Variants in GRID1 observed in about 807,000 individuals in gnomAD.
GRID1 encodes glutamate receptor ionotropic, delta-1.
In GRID1, 28 loss-of-function variants were observed where a neutral mutation model predicts 98.0. The observed-to-expected ratio is 0.29, with a 90% CI of 0.21 to 0.39. The LOEUF (loss-of-function observed/expected upper bound fraction) is 0.39. GRID1 is among the 10% of genes least tolerant of loss of function. The pLI is 1.00. For missense variants in GRID1, 1,111 were observed against 1,340.5 expected, an observed-to-expected ratio of 0.83 and a Z score of 2.67; for synonymous variants, 553 against 538.5, an observed-to-expected ratio of 1.03 and a Z score of -0.37.
At chr10:85,605,502 A>T (rs1473522626) in intron 15 of GRID1, 1 of 152,240 alleles carries the variant, frequency 6.6e-6, no homozygotes, top group Non-Finnish European at 1.5e-5. Flanking sequence ...AGAACTAGTT[A>T]GTAATTAATC....
At chr10:85,833,649 AAGACC>A (rs1346138043) in intron 8 of GRID1, among the ~76,000 whole-genome samples, 1 of 152,232 alleles carries the variant, frequency 6.6e-6, no homozygotes, top group Non-Finnish European at 1.5e-5. Flanking sequence ...AACTGATGCT[AAGACC>A]AGGATGGATC....
At chr10:85,922,069 G>A (rs1458097729) in intron 4 of GRID1, among the ~76,000 whole-genome samples, 1 of 152,148 alleles carries the variant, frequency 6.6e-6, no homozygotes, top group African/African-American at 2.4e-5. Flanking sequence ...TTTGAACTAC[G>A]GCCCAACTGT....
intron 5 of GRID1, among the ~76,000 whole-genome samples, chr10:85,885,956 C>A (rs1049346573): frequency 6.6e-6 from 1 of 152,206 alleles, no homozygotes; most frequent in Non-Finnish European, 1.5e-5. Flanking sequence ...AGATCTGGTG[C>A]CTGCCTGAGA....
intron 4 of GRID1, among the ~76,000 whole-genome samples, chr10:86,059,656 T>C (rs373462279): frequency 3.3e-5 from 5 of 152,352 alleles, no homozygotes; most frequent in African/African-American, 1.2e-4. Flanking sequence ...TAGCCTGAAA[T>C]GACCTCAATC....
intron 8 of GRID1, among the ~76,000 whole-genome samples, chr10:85,764,614 G>A (rs1274863913): frequency 1.3e-5 from 2 of 152,202 alleles, no homozygotes; most frequent in South Asian, 2.1e-4. Flanking sequence ...AAAGTTATCC[G>A]AAAGCCTCAC....
chr10:86,196,213 G>C (rs1845869715), intron 3 of GRID1, among the ~76,000 whole-genome samples: 1 of 151,948 alleles, frequency 6.6e-6, no homozygotes, highest in Non-Finnish European at 1.5e-5. Flanking sequence ...AAGCCCTCTT[G>C]CTCCCAGCTG....
intron 12 of GRID1, among the ~76,000 whole-genome samples, chr10:85,648,711 TC>T (rs1843228120): frequency 6.6e-6 from 1 of 152,026 alleles, no homozygotes; most frequent in South Asian, 2.1e-4. Flanking sequence ...TCCCTTTATC[TC>T]CCTCCTCTAA....
intron 4 of GRID1, among the ~76,000 whole-genome samples, chr10:86,117,498 A>G (rs541814839): frequency 4.8e-5 from 7 of 146,306 alleles, no homozygotes; most frequent in African/African-American, 1.8e-4. Context: ...CCAGCATCAT[A>G]ATCACTATCA....
In GRID1 at chr10:86,093,100, A is replaced by T. The variant is rs1047847058; in HGVS notation, c.726+45719T>A. 5.3e-5 allele frequency among the ~76,000 whole-genome samples: 8 copies of T among 152,356 alleles called. No individual in the cohort carries two copies. The East Asian group carries it at 1.5e-3, about 29-fold the overall frequency. ...GGAACCTTCAAAACCATGCAAATCC[A>T]TAGAAATTCAATAGCCTGCTCATGA... is the stretch of plus-strand genomic sequence containing the variant. On this transcript the variant is annotated intron_variant, in intron 4 of 15. Coordinates refer to ENST00000327946, the MANE Select transcript of GRID1 (RefSeq NM_017551.3).
At chr10:85,693,342 CT>C (rs1424424863) in intron 12 of GRID1, among the ~76,000 whole-genome samples, 1 of 152,042 alleles carries the variant, frequency 6.6e-6, no homozygotes, top group Non-Finnish European at 1.5e-5. Flanking sequence ...AACATAGAGA[CT>C]TTTTGTACAG....
intron 2 of GRID1, among the ~76,000 whole-genome samples, chr10:86,284,140 A>G (rs946129985): frequency 1.3e-5 from 2 of 151,486 alleles, no homozygotes; most frequent in Non-Finnish European, 2.9e-5. Flanking sequence ...CCTCATGCAC[A>G]CACCTGCATA....
Position 85,996,132 on chromosome 10 carries a change from T to A in GRID1, c.727-79893A>T, listed in dbSNP as rs191556902. The stretch of plus-strand genomic sequence containing the variant: ...AAAAATATCAACACCTTTCACAGAA[T>A]GTAAGTGAAACCAAGAGTCATAATA... On this transcript the variant is annotated intron_variant, in intron 4 of 15. Transcript: ENST00000327946. Among the ~76,000 whole-genome samples, 767 of 152,298 alleles carry A rather than the reference T, an allele frequency of 5.0e-3. 6 individuals carry two copies. Among genetic ancestry groups the A allele is most frequent in the African/African-American group, 0.017 (719 of 41,550 alleles).
intron 3 of GRID1, among the ~76,000 whole-genome samples, chr10:86,142,564 G>A (rs1477638776): frequency 6.6e-6 from 1 of 152,222 alleles, no homozygotes; most frequent in Non-Finnish European, 1.5e-5. Flanking sequence ...CTGCAGGATG[G>A]GCATAAAGGT....
At position 86,366,343 on chromosome 10, in the gene GRID1, G is replaced by A. The variant is rs1250369164; in HGVS notation, c.50C>T (p.Ser17Leu). The change falls in exon 1 of 16, where the codon TCG becomes TTG. Residue 17 changes from serine to leucine, a missense_variant. Coordinates refer to ENST00000327946, the MANE Select transcript of GRID1 (RefSeq NM_017551.3). This position sits in a 1 kb window ranked among gnomAD's most constrained non-coding sequence, Gnocchi z 4.1. ...WLLPWICQCV[S>L]VRADSIIHIG... is the part of the protein sequence containing the mutation. ...GTGGATGATGGAGTCGGCCCGCACCGACACGCACTGGCATATCCAGGGGAG... is the reference window on the plus strand; with the variant it reads ...GTGGATGATGGAGTCGGCCCGCACCAACACGCACTGGCATATCCAGGGGAG... 11 of 1,520,490 alleles carry A rather than the reference G, an allele frequency of 7.2e-6. No individual in the cohort carries two copies. The highest frequency in any genetic ancestry group is 9.7e-6 in the Non-Finnish European group (11 of 1,132,448). The allele number at this position is 1,520,490 out of a possible 1,614,324, so 94.2% of individuals were successfully genotyped here.
At chr10:85,613,843 G>C (rs114551586) in intron 14 of GRID1, among the ~76,000 whole-genome samples, 196 bp from the exon 15 acceptor site, 1 of 152,144 alleles carries the variant, frequency 6.6e-6, no homozygotes, top group South Asian at 2.1e-4. Context: ...ACGCACATTA[G>C]GTTTTGTCAC....
intron 3 of GRID1, among the ~76,000 whole-genome samples, chr10:86,171,898 A>C (rs2131993803): frequency 6.6e-6 from 1 of 152,306 alleles, no homozygotes; most frequent in Admixed American, 6.5e-5. Flanking sequence ...CTGGAGTTAG[A>C]AACCCTACGC....
In GRID1 at chr10:85,963,024, C is replaced by T. The variant is rs762391242; in HGVS notation, c.727-46785G>A. On this transcript the variant is annotated intron_variant, in intron 4 of 15. Transcript: ENST00000327946. ...TTCTGTGTGAGCCTAAGAGGAGCTG[C>T]CCAACCCAGCCAGGGAAGTCTGGAA... is the stretch of plus-strand genomic sequence containing the variant. Among the ~76,000 whole-genome samples, 102 of 152,284 alleles carry T rather than the reference C, an allele frequency of 6.7e-4. No individual in the cohort carries two copies. In the Middle Eastern group the frequency reaches 0.01, roughly 15 times the overall value.
chr10:85,712,592 A>G (rs1472534191), intron 12 of GRID1, among the ~76,000 whole-genome samples: 1 of 151,880 alleles, frequency 6.6e-6, no homozygotes, highest in East Asian at 1.9e-4. Flanking sequence ...CATATACAGA[A>G]CATTCCATCC....
intron 4 of GRID1, among the ~76,000 whole-genome samples, chr10:85,955,203 A>T (rs991061633): frequency 5.3e-5 from 8 of 152,070 alleles, no homozygotes; most frequent in Admixed American, 3.9e-4. Flanking sequence ...GGAAGAACTT[A>T]CTCACTCAGT....
Sources: allele counts gnomAD v4.1 joint callset (sites outside exome capture counted in the v4.1 genomes callset), GRCh38; gene constraint gnomAD v4.1.1; non-coding constraint Gnocchi (gnomAD v3.1); transcripts MANE v1.5; gene names NCBI Gene and HGNC (gene_info 2026-07-23, HGNC 2026-07-21).